The following FDFT1 variants were observed in gnomAD, a reference collection of about 807,000 sequenced individuals.
FDFT1 encodes squalene synthase.
A neutral mutation model predicts 46.8 loss-of-function variants in FDFT1; 68 were observed. The observed-to-expected ratio is 1.45, with a 90% CI of 1.19 to 1.78. FDFT1 has a LOEUF of 1.78. Ranked by LOEUF, FDFT1 falls within the 40% of genes most tolerant of loss-of-function variation. FDFT1 has a pLI of 0.00. For missense variants in FDFT1, 928 were observed against 524.4 expected, an observed-to-expected ratio of 1.77 and a Z score of -7.52; for synonymous variants, 351 against 185.1, an observed-to-expected ratio of 1.90 and a Z score of -7.28.
chr8:11,833,782 G>C (rs900008460), intron 7 of FDFT1, among the ~76,000 whole-genome samples: 1 of 152,126 alleles, frequency 6.6e-6, no homozygotes, highest in South Asian at 2.1e-4. Context: ...AATATTTTTT[G>C]GCCCTTGAAT....
intron 4 of FDFT1, 49 bp from the exon 5 acceptor site, chr8:11,825,975 T>G: frequency 7.3e-7 from 1 of 1,371,778 alleles, no homozygotes. Context: ...GTGTGTCCAT[T>G]TCAGTAAAAA....
intron 7 of FDFT1, 37 bp from the exon 8 acceptor site, chr8:11,838,351 A>C (rs1484061898): frequency 6.7e-7 from 1 of 1,492,488 alleles, no homozygotes; most frequent in African/African-American, 1.4e-5. Context: ...AATGTAAAGC[A>C]CATAGCACTT....
At chr8:11,797,466 C>CT, upstream of FDFT1, among the ~76,000 whole-genome samples, 1 of 152,070 alleles carries the variant, frequency 6.6e-6, no homozygotes, top group South Asian at 2.1e-4. Flanking sequence ...TCTTACTCAT[C>CT]TTTGTTTTTT....
chr8:11,818,768 C>A (rs1311642525), intron 3 of FDFT1, among the ~76,000 whole-genome samples: 1 of 152,034 alleles, frequency 6.6e-6, no homozygotes, highest in Admixed American at 6.5e-5. Context: ...AGACGGGTCT[C>A]CTGAATACAG....
Position 11,809,776 on chromosome 8 carries a change from T to G in FDFT1, c.307T>G (p.Phe103Val). The G allele has an allele frequency of 6.2e-7, 1 of 1,614,190 alleles. No homozygotes were observed. The highest frequency in any genetic ancestry group is 8.5e-7 in the Non-Finnish European group (1 of 1,180,014). The change falls in exon 3 of 8, where the codon TTC (phenylalanine) becomes GTC (valine). Residue 103 changes from phenylalanine to valine, a missense_variant. Phe to Val is a conservative substitution (Grantham distance 50). Transcript: ENST00000220584. ...CCCGCTGTTACACAACTTTCACTCT[T>G]TCCTTTACCAACCAGACTGGCGGTT... ...KVPLLHNFHSFLYQPDWRFME... is the reference protein window; with the variant it reads ...KVPLLHNFHSVLYQPDWRFME...
At chr8:11,838,147 T>A (rs1811795440) in intron 7 of FDFT1, among the ~76,000 whole-genome samples, 1 of 152,166 alleles carries the variant, frequency 6.6e-6, no homozygotes, top group Non-Finnish European at 1.5e-5. Flanking sequence ...GGCCTCTGGG[T>A]GCAGTATGCA....
At chr8:11,830,746 G>A (rs1292817756) in intron 6 of FDFT1, among the ~76,000 whole-genome samples, 4 of 152,148 alleles carry the variant, frequency 2.6e-5, no homozygotes, top group African/African-American at 4.8e-5. Context: ...TAAAACCTGG[G>A]TGAAGCTGTT....
rs948298990 is a variant in FDFT1, at chr8:11,803,474, A to G, written c.99+543A>G. 2.5e-5 allele frequency: 32 copies of G among 1,266,884 alleles called. No individual in the cohort carries two copies. The South Asian group carries it at 3.5e-4, about 14-fold the overall frequency. The allele number at this position is 1,266,884 out of a possible 1,614,324, so 78.5% of individuals were successfully genotyped here. A position where few individuals can be genotyped will look rare whatever the true frequency, so the allele number is the denominator to read the frequency against. On this transcript the variant is annotated intron_variant, in intron 1 of 7. Transcript: ENST00000220584. ...CGCCTATCTACGCTTCCAAGTTCCA[A>G]TGAGTTATCTAACGTCTATGGATTA...
At chr8:11,835,788 A>C (rs937266732) in intron 7 of FDFT1, among the ~76,000 whole-genome samples, 1 of 152,076 alleles carries the variant, frequency 6.6e-6, no homozygotes, top group Non-Finnish European at 1.5e-5. Flanking sequence ...ATCATCCTTT[A>C]TTTGTACATT....
intron 3 of FDFT1, among the ~76,000 whole-genome samples, chr8:11,812,189 C>G (rs536036701): frequency 2.0e-5 from 3 of 152,206 alleles, no homozygotes; most frequent in East Asian, 1.9e-4. Context: ...TGTGCTTGTT[C>G]AGCTCTCGTG....
intron 5 of FDFT1, among the ~76,000 whole-genome samples, chr8:11,827,626 A>G (rs1189094525): frequency 6.6e-6 from 1 of 152,176 alleles, no homozygotes; most frequent in Non-Finnish European, 1.5e-5. Context: ...AAAAAGGCCA[A>G]CTGCCCCACA....
chr8:11,796,475 A>C (rs1233849589), intron 1 of FDFT1, among the ~76,000 whole-genome samples: 1 of 152,210 alleles, frequency 6.6e-6, no homozygotes. Flanking sequence ...CAGCCCAATG[A>C]ACACAAACAA....
intron 1 of FDFT1, among the ~76,000 whole-genome samples, chr8:11,807,417 C>A (rs1487866458): frequency 6.6e-6 from 1 of 152,210 alleles, no homozygotes; most frequent in Non-Finnish European, 1.5e-5. Context: ...CCCACCTTGG[C>A]CTTCCGAAGT....
At chr8:11,829,748 A>C (rs559540610) in intron 5 of FDFT1, among the ~76,000 whole-genome samples, 1 of 152,360 alleles carries the variant, frequency 6.6e-6, no homozygotes, top group East Asian at 1.9e-4. Flanking sequence ...TGGTAGTCAG[A>C]AATAGCTATT....
At chr8:11,817,108 C>G (rs190469088) in intron 3 of FDFT1, among the ~76,000 whole-genome samples, 108 of 152,192 alleles carry the variant, frequency 7.1e-4, no homozygotes, top group African/African-American at 2.6e-3. Context: ...AAAGGCCTTT[C>G]GTGCATCTAT....
chr8:11,824,922 A>C (rs894572034), intron 4 of FDFT1, among the ~76,000 whole-genome samples: 1 of 151,950 alleles, frequency 6.6e-6, no homozygotes, highest in African/African-American at 2.4e-5. Flanking sequence ...TTTTTAGTAG[A>C]GACGGGGTTT....
chr8:11,832,577 G>GTT (rs1563341534), intron 7 of FDFT1, among the ~76,000 whole-genome samples: 181 of 65,704 alleles, frequency 2.8e-3, no homozygotes, highest in Middle Eastern at 8.5e-3. Flanking sequence ...AAAAAAAAAA[G>GTT]TCTTAGAGAC....
At chr8:11,812,817 T>C (rs746399090) in intron 3 of FDFT1, among the ~76,000 whole-genome samples, 4 of 152,216 alleles carry the variant, frequency 2.6e-5, no homozygotes, top group African/African-American at 7.2e-5. Flanking sequence ...TAGTGATCAT[T>C]AGTTGATACC....
intron 7 of FDFT1, among the ~76,000 whole-genome samples, chr8:11,836,356 T>C (rs1364318689): frequency 6.6e-6 from 1 of 152,224 alleles, no homozygotes; most frequent in Non-Finnish European, 1.5e-5. Flanking sequence ...AGTTTCCAAG[T>C]AGGGCTGGAC....
Sources: gnomAD v4.1 joint callset for allele counts (sites outside exome capture counted in the v4.1 genomes callset) on GRCh38, gnomAD v4.1.1 for gene constraint, MANE v1.5 for transcripts, NCBI Gene and HGNC (gene_info 2026-07-23, HGNC 2026-07-21) for gene names.